TMEM87B: variants seen among roughly 807,000 people sequenced by gnomAD.
The protein encoded by TMEM87B is transmembrane protein 87B.
A neutral mutation model predicts 80.3 loss-of-function variants in TMEM87B; 83 were observed. The ratio of observed to expected loss-of-function variants is 1.03; its 90% CI spans 0.87 to 1.24. TMEM87B has a LOEUF of 1.24. TMEM87B is among the 50% of genes most tolerant of loss of function. The probability of loss-of-function intolerance (pLI) is 0.00; values close to 1 mark genes in which losing one functional copy is unlikely to be tolerated. For synonymous variants in TMEM87B, 219 were observed against 230.5 expected (o/e 0.95, Z 0.45); for missense variants, 625 against 674.4 (o/e 0.93, Z 0.81).
chr2:112,118,343 A>C lies in TMEM87B; in HGVS notation c.*2200A>C, dbSNP rs1480335121. 3.3e-5 allele frequency: 5 copies of C among 152,210 alleles called. No homozygotes were observed. Among genetic ancestry groups the C allele is most frequent in the Non-Finnish European group, 5.9e-5 (4 of 68,040 alleles). The allele number at this position is 152,210 out of a possible 1,614,324, so 9.4% of individuals were successfully genotyped here. On this transcript the variant is annotated 3_prime_UTR_variant, in exon 19 of 19. Coordinates refer to ENST00000283206, the MANE Select transcript of TMEM87B (RefSeq NM_032824.3). The stretch of plus-strand genomic sequence containing the variant: ...CAGCTCATCATCCCTGTTTCTGCAC[A>C]GTTTCCTGAAACTGGCCATCAGGGC...
rs1168403664 is a variant in TMEM87B, at chr2:112,055,325, A to G, written c.-267A>G. On this transcript the variant is annotated 5_prime_UTR_variant, in exon 1 of 19. Coordinates refer to ENST00000283206, the MANE Select transcript of TMEM87B (RefSeq NM_032824.3). ...GCCTCCACGTCTCGCCGCCAACTCC[A>G]CATCCTGGCTCCTATCTCTGCCTTC... is the stretch of plus-strand genomic sequence containing the variant. 2.1e-6 allele frequency: 1 copy of G among 484,032 alleles called. No homozygotes were observed. Among genetic ancestry groups the G allele is most frequent in the Non-Finnish European group, 3.6e-6 (1 of 276,538 alleles). The allele number at this position is 484,032 out of a possible 1,614,324, so 30.0% of individuals were successfully genotyped here.
In TMEM87B at chr2:112,055,307, C is replaced by T. The variant is rs192143491; in HGVS notation, c.-285C>T. 2.3e-3 allele frequency: 1,058 copies of T among 468,000 alleles called. 5 individuals carry two copies. The highest frequency in any genetic ancestry group is 0.012 in the Middle Eastern group (22 of 1,798). 29.0% of individuals were successfully genotyped at this position (468,000 alleles called of 1,614,324 possible). ...CGCTAGGCCCTGAGCCCAGCCTCCACGTCTCGCCGCCAACTCCACATCCTG... is the reference window on the plus strand; with the variant it reads ...CGCTAGGCCCTGAGCCCAGCCTCCATGTCTCGCCGCCAACTCCACATCCTG... On this transcript the variant is annotated 5_prime_UTR_variant, in exon 1 of 19. The change creates a new upstream start codon in the 5' untranslated region. Transcript: ENST00000283206.
chr2:112,096,741 G>A (rs942190753), intron 11 of TMEM87B, among the ~76,000 whole-genome samples: 13 of 152,250 alleles, frequency 8.5e-5, no homozygotes, highest in South Asian at 4.1e-4. Context: ...GTTTTAGTGC[G>A]TGCACTGCTC....
intron 1 of TMEM87B, among the ~76,000 whole-genome samples, chr2:112,058,327 G>A (rs1051204224): frequency 6.6e-6 from 1 of 152,232 alleles, no homozygotes; most frequent in African/African-American, 2.4e-5. Context: ...AAGGACCTGT[G>A]TTGGCCAAGG....
At chr2:112,072,437 C>G (rs1187176218) in intron 4 of TMEM87B, among the ~76,000 whole-genome samples, 1 of 151,832 alleles carries the variant, frequency 6.6e-6, no homozygotes, top group East Asian at 1.9e-4. Flanking sequence ...TAGGCTATTT[C>G]CATTTCAGAG....
chr2:112,105,343 T>A (rs1432758655), intron 15 of TMEM87B, among the ~76,000 whole-genome samples: 1 of 152,214 alleles, frequency 6.6e-6, no homozygotes, highest in African/African-American at 2.4e-5. Flanking sequence ...GACTACTTAC[T>A]GGGCATAGAT....
chr2:112,087,295 G>A (rs1461107364), intron 9 of TMEM87B, among the ~76,000 whole-genome samples: 2 of 152,106 alleles, frequency 1.3e-5, no homozygotes, highest in African/African-American at 4.8e-5. Flanking sequence ...GGGCCTACTT[G>A]CCATTCATGA....
At chr2:112,111,363 G>A (rs1679912184) in intron 17 of TMEM87B, among the ~76,000 whole-genome samples, 1 of 152,048 alleles carries the variant, frequency 6.6e-6, no homozygotes, top group African/African-American at 2.4e-5. Context: ...AGGCTCCTAG[G>A]TAGTTCTCTT....
At chr2:112,093,274 A>C (rs550425438) in intron 11 of TMEM87B, among the ~76,000 whole-genome samples, 2 of 152,346 alleles carry the variant, frequency 1.3e-5, no homozygotes, top group Admixed American at 1.3e-4. Context: ...TTCCAACTTA[A>C]AAAGCCTATG....
At chr2:112,082,425 T>C (rs1291932082) in intron 8 of TMEM87B, among the ~76,000 whole-genome samples, 2 of 152,090 alleles carry the variant, frequency 1.3e-5, no homozygotes, top group African/African-American at 2.4e-5. Flanking sequence ...TGAAATACTC[T>C]AGAAAAAAAA....
intron 16 of TMEM87B, among the ~76,000 whole-genome samples, chr2:112,107,357 CAAAAAAAAAA>C (rs35280651): frequency 1.2e-5 from 1 of 83,988 alleles, no homozygotes; most frequent in Non-Finnish European, 2.3e-5. Flanking sequence ...GACTCTGTCT[CAAAAAAAAAA>C]AAAAAAAAAG....
At chr2:112,080,384 C>T (rs1423967273) in intron 6 of TMEM87B, among the ~76,000 whole-genome samples, 10 of 152,246 alleles carry the variant, frequency 6.6e-5, no homozygotes, top group South Asian at 2.1e-4. Context: ...CTCGGCCTCC[C>T]GAGTAGCTGG....
intron 8 of TMEM87B, 104 bp from the exon 9 acceptor site, chr2:112,085,901 C>T: frequency 1.2e-6 from 1 of 846,404 alleles, no homozygotes. Flanking sequence ...GCTGATTGGT[C>T]TGAAGTTCGA....
At chr2:112,059,453 G>A (rs892424878) in intron 1 of TMEM87B, among the ~76,000 whole-genome samples, 1 of 151,924 alleles carries the variant, frequency 6.6e-6, no homozygotes, top group South Asian at 2.1e-4. Flanking sequence ...TTTTCAGGTT[G>A]ACCACTAATC....
intron 13 of TMEM87B, among the ~76,000 whole-genome samples, chr2:112,097,630 G>A (rs1354911094): frequency 6.9e-6 from 1 of 145,556 alleles, no homozygotes; most frequent in East Asian, 2.2e-4. Flanking sequence ...GGAGACTGGT[G>A]TGAACCCAGG....
intron 6 of TMEM87B, among the ~76,000 whole-genome samples, chr2:112,080,554 C>T (rs1466679485): frequency 3.3e-5 from 5 of 152,194 alleles, no homozygotes; most frequent in South Asian, 2.1e-4. Context: ...CCACCACGCC[C>T]GGCCTGCCCA....
In TMEM87B at chr2:112,059,366, T is replaced by C. The variant is rs549278073; in HGVS notation, c.166-611T>C. Among the ~76,000 whole-genome samples the C allele has an allele frequency of 2.6e-5, 4 of 151,794 alleles. No homozygotes were observed. In the South Asian group the frequency reaches 8.3e-4, roughly 32 times the overall value. On this transcript the variant is annotated intron_variant, in intron 1 of 18. Transcript: ENST00000283206. ...GTGGAAGAATTCCTGCAGAACGGGC[T>C]TTTGAGCTGGGCTTTGAAGGGTGAG...
At position 112,108,024 on chromosome 2, in the gene TMEM87B, T is replaced by C. The variant is rs375295801; in HGVS notation, c.1577+184T>C. ...ACAAAACCCTGGCTTGTTTTGTTTT[T>C]CACGATACAGCAACCATTTTAAAAC... On this transcript the variant is annotated intron_variant, in intron 17 of 18. Transcript: ENST00000283206. Among the ~76,000 whole-genome samples the C allele has an allele frequency of 3.0e-4, 45 of 152,378 alleles. No individual in the cohort carries two copies. In the East Asian group the frequency reaches 8.5e-3, roughly 29 times the overall value.
intron 3 of TMEM87B, among the ~76,000 whole-genome samples, chr2:112,066,217 A>G (rs1385929055): frequency 1.3e-5 from 2 of 152,166 alleles, no homozygotes; most frequent in African/African-American, 2.4e-5. Flanking sequence ...TTCTAGTTCC[A>G]TACTTTCTTC....
Sources: gnomAD v4.1 joint callset for allele counts (sites outside exome capture counted in the v4.1 genomes callset) on GRCh38, gnomAD v4.1.1 for gene constraint, MANE v1.5 for transcripts, NCBI Gene and HGNC (gene_info 2026-07-23, HGNC 2026-07-21) for gene names.